Variants in FBXO8 observed in about 807,000 individuals in gnomAD.
FBXO8 encodes F-box protein 8, also known as F-box only protein 8.
In FBXO8, 15 loss-of-function variants were observed where a neutral mutation model predicts 33.4. The ratio of observed to expected loss-of-function variants is 0.45; its 90% CI spans 0.30 to 0.69. The LOEUF (loss-of-function observed/expected upper bound fraction) is 0.69, where lower values mean the gene tolerates loss of function less well. FBXO8 is among the 30% of genes least tolerant of loss of function. The pLI, the probability that FBXO8 is intolerant of heterozygous loss-of-function variation, is 0.08. For missense variants in FBXO8, 274 were observed against 380.3 expected (o/e 0.72, Z 2.32); for synonymous variants, 132 against 131.5 (o/e 1.00, Z -0.02).
chr4:174,244,820 C>T (rs1736121638), intron 3 of FBXO8, among the ~76,000 whole-genome samples: 1 of 151,654 alleles, frequency 6.6e-6, no homozygotes, highest in African/African-American at 2.4e-5. Context: ...TATTAGGCCT[C>T]ATATTTCTTG....
rs529290881 is a variant in FBXO8, at chr4:174,281,439, A to G, written c.-9+1971T>C. ...TGCACCAGCACAGTGGCTCACACCT[A>G]TGATTCCTGAACCTTGGGAGGCTGT... On this transcript the variant is annotated intron_variant, in intron 1 of 5. Coordinates refer to ENST00000393674, the MANE Select transcript of FBXO8 (RefSeq NM_012180.3). This position sits in a 1 kb window ranked among gnomAD's most constrained non-coding sequence, Gnocchi z 4.6. 2.5e-4 allele frequency among the ~76,000 whole-genome samples: 38 copies of G among 152,200 alleles called. No individual in the cohort carries two copies. Among genetic ancestry groups the G allele is most frequent in the Non-Finnish European group, 5.4e-4 (37 of 68,038 alleles).
chr4:174,237,801 A>T lies in FBXO8; in HGVS notation c.773-202T>A, dbSNP rs1336537782. 2.0e-5 allele frequency among the ~76,000 whole-genome samples: 3 copies of T among 152,104 alleles called. No homozygotes were observed. Among genetic ancestry groups the T allele is most frequent in the Non-Finnish European group, 4.4e-5 (3 of 67,958 alleles). On this transcript the variant is annotated intron_variant, in intron 5 of 5. Transcript: ENST00000393674. The surrounding 1 kb of genome is among the most constrained non-coding windows in gnomAD (Gnocchi z 4.4). ...TGTCATCCTGGGAAACTCAATCCTG[A>T]GCAAACCAGGATGGTTATCATCCTA... is the stretch of plus-strand genomic sequence containing the variant.
In FBXO8 at chr4:174,256,915, T is replaced by TA. The variant is rs796891512; in HGVS notation, c.456+2783dup. 2.5e-3 allele frequency among the ~76,000 whole-genome samples: 362 copies of TA among 142,300 alleles called. No homozygotes were observed. Among genetic ancestry groups the TA allele is most frequent in the African/African-American group, 5.2e-3 (201 of 38,672 alleles). 93.4% of individuals were successfully genotyped at this position (142,300 alleles called of 152,430 possible). A position where few individuals can be genotyped will look rare whatever the true frequency, so the allele number is the denominator to read the frequency against. On this transcript the variant is annotated intron_variant, in intron 3 of 5. Coordinates refer to ENST00000393674, the MANE Select transcript of FBXO8 (RefSeq NM_012180.3). The surrounding 1 kb of genome is among the most constrained non-coding windows in gnomAD (Gnocchi z 4.6). ...AGTATCTTTAAATCAGGCCAGGGAGTAAAAAAAAAAGAAAATACAGCCAAC... is the reference window on the plus strand; with the variant it reads ...AGTATCTTTAAATCAGGCCAGGGAGTAAAAAAAAAAAGAAAATACAGCCAAC...
rs966813356 is a variant in FBXO8, at chr4:174,252,722, A to C, written c.456+6977T>G. 6.6e-6 allele frequency among the ~76,000 whole-genome samples: 1 copy of C among 152,064 alleles called. No homozygotes were observed. The highest frequency in any genetic ancestry group is 1.5e-5 in the Non-Finnish European group (1 of 68,008). ...TTGTGTCTCTTTTTTAAACCTAAAA[A>C]ATAGGCTAGGTATGATGACTCATTC... On this transcript the variant is annotated intron_variant, in intron 3 of 5. Transcript: ENST00000393674. This position sits in a 1 kb window ranked among gnomAD's most constrained non-coding sequence, Gnocchi z 5.1.
At position 174,256,679 on chromosome 4, in the gene FBXO8, CT is replaced by C. The variant is rs1349140636; in HGVS notation, c.456+3019del. On this transcript the variant is annotated intron_variant, in intron 3 of 5. Coordinates refer to ENST00000393674, the MANE Select transcript of FBXO8 (RefSeq NM_012180.3). This position sits in a 1 kb window ranked among gnomAD's most constrained non-coding sequence, Gnocchi z 4.6. ...ACCTTATTAAGTGTATTGCAATGTC[CT>C]TTTTTTCCTATATATTTCCTAAGTG... Among the ~76,000 whole-genome samples the C allele has an allele frequency of 6.6e-6, 1 of 152,104 alleles. No individual in the cohort carries two copies. The highest frequency in any genetic ancestry group is 1.5e-5 in the Non-Finnish European group (1 of 68,008).
In FBXO8 at chr4:174,261,964, T is replaced by C. The variant is rs1254870933; in HGVS notation, c.329+800A>G. Among the ~76,000 whole-genome samples, 1 of 152,108 alleles carries C rather than the reference T, an allele frequency of 6.6e-6. No individual in the cohort carries two copies. The highest frequency in any genetic ancestry group is 1.5e-5 in the Non-Finnish European group (1 of 67,948). Reference sequence around the variant, plus strand: ...GGATGCTAGAAGGTCTGAGATCCAATGATTCCATGTTTGGTAATATTTTTA... The same window carrying C: ...GGATGCTAGAAGGTCTGAGATCCAACGATTCCATGTTTGGTAATATTTTTA... On this transcript the variant is annotated intron_variant, in intron 2 of 5. Coordinates refer to ENST00000393674, the MANE Select transcript of FBXO8 (RefSeq NM_012180.3). This position sits in a 1 kb window ranked among gnomAD's most constrained non-coding sequence, Gnocchi z 4.1.
rs1475877571 is a variant in FBXO8, at chr4:174,272,064, AG to A, written c.-8-8965del. On this transcript the variant is annotated intron_variant, in intron 1 of 5. Coordinates refer to ENST00000393674, the MANE Select transcript of FBXO8 (RefSeq NM_012180.3). The surrounding 1 kb of genome is among the most constrained non-coding windows in gnomAD (Gnocchi z 4.7). The stretch of plus-strand genomic sequence containing the variant: ...TCCTAAACTTGGATTATGAGTGTTC[AG>A]TGAACTAATAGCAAATCAAAACAAA... Among the ~76,000 whole-genome samples the A allele has an allele frequency of 6.6e-6, 1 of 152,264 alleles. No homozygotes were observed. Among genetic ancestry groups the A allele is most frequent in the Non-Finnish European group, 1.5e-5 (1 of 68,046 alleles).
chr4:174,255,163 G>A lies in FBXO8; in HGVS notation c.456+4536C>T, dbSNP rs950025182. 6.6e-6 allele frequency among the ~76,000 whole-genome samples: 1 copy of A among 152,052 alleles called. No individual in the cohort carries two copies. The highest frequency in any genetic ancestry group is 1.5e-5 in the Non-Finnish European group (1 of 67,994). On this transcript the variant is annotated intron_variant, in intron 3 of 5. Transcript: ENST00000393674. The surrounding 1 kb of genome is among the most constrained non-coding windows in gnomAD (Gnocchi z 4.3). ...TGTGTATTCCCAAGGAATGCACTTG[G>A]GAAATGTTTATTGGTACATTCTAAT... is the stretch of plus-strand genomic sequence containing the variant.
Position 174,262,524 on chromosome 4 carries a change from T to G in FBXO8, c.329+240A>C, listed in dbSNP as rs1396652662. ...TGACTTATAATCAACTGACAGAGCCTGATTGGTAACCTCTCTTCTAACTGT... is the reference window on the plus strand; with the variant it reads ...TGACTTATAATCAACTGACAGAGCCGGATTGGTAACCTCTCTTCTAACTGT... On this transcript the variant is annotated intron_variant, in intron 2 of 5. Transcript: ENST00000393674. The surrounding 1 kb of genome is among the most constrained non-coding windows in gnomAD (Gnocchi z 4.6). Among the ~76,000 whole-genome samples the G allele has an allele frequency of 6.6e-6, 1 of 152,230 alleles. No individual in the cohort carries two copies. The highest frequency in any genetic ancestry group is 2.4e-5 in the African/African-American group (1 of 41,468).
In FBXO8 at chr4:174,272,759, C is replaced by CT. The variant is rs1291193492; in HGVS notation, c.-8-9660dup. On this transcript the variant is annotated intron_variant, in intron 1 of 5. Coordinates refer to ENST00000393674, the MANE Select transcript of FBXO8 (RefSeq NM_012180.3). The surrounding 1 kb of genome is among the most constrained non-coding windows in gnomAD (Gnocchi z 4.7). ...GAATACTTACAGAATCCCAAAGTAT[C>CT]TTCCCACATATCAGTCATTAATTAC... Among the ~76,000 whole-genome samples, 1 of 152,138 alleles carries CT rather than the reference C, an allele frequency of 6.6e-6. No individual in the cohort carries two copies. Among genetic ancestry groups the CT allele is most frequent in the Non-Finnish European group, 1.5e-5 (1 of 68,022 alleles).
rs528130787 is a variant in FBXO8 at position 174,257,255 on chromosome 4, T to C, written c.456+2444A>G. On this transcript the variant is annotated intron_variant, in intron 3 of 5. Transcript: ENST00000393674. The surrounding 1 kb of genome is among the most constrained non-coding windows in gnomAD (Gnocchi z 4.3). ...TAACATTTTAGCATATGAGGACCCA[T>C]GTGTATTTTCATCTTTGTGTAAAAA... 2.4e-4 allele frequency among the ~76,000 whole-genome samples: 37 copies of C among 152,250 alleles called. No individual in the cohort carries two copies. The highest frequency in any genetic ancestry group is 8.4e-4 in the African/African-American group (35 of 41,556).
Position 174,251,885 on chromosome 4 carries a change from C to T in FBXO8, c.456+7814G>A, listed in dbSNP as rs1415233475. ...TACTTAAGCCATATTTGGTGAGGGACTCCTCTCACTGTCATCTAGCTTCTT... is the reference window on the plus strand; with the variant it reads ...TACTTAAGCCATATTTGGTGAGGGATTCCTCTCACTGTCATCTAGCTTCTT... On this transcript the variant is annotated intron_variant, in intron 3 of 5. Transcript: ENST00000393674. The surrounding 1 kb of genome is among the most constrained non-coding windows in gnomAD (Gnocchi z 4.2). 6.6e-6 allele frequency among the ~76,000 whole-genome samples: 1 copy of T among 152,140 alleles called. No homozygotes were observed. Among genetic ancestry groups the T allele is most frequent in the Non-Finnish European group, 1.5e-5 (1 of 68,004 alleles).
At position 174,272,282 on chromosome 4, in the gene FBXO8, A is replaced by G. The variant is rs1736854350; in HGVS notation, c.-8-9182T>C. Among the ~76,000 whole-genome samples, 1 of 152,228 alleles carries G rather than the reference A, an allele frequency of 6.6e-6. No individual in the cohort carries two copies. The highest frequency in any genetic ancestry group is 1.5e-5 in the Non-Finnish European group (1 of 68,038). On this transcript the variant is annotated intron_variant, in intron 1 of 5. Transcript: ENST00000393674. The surrounding 1 kb of genome is among the most constrained non-coding windows in gnomAD (Gnocchi z 4.7). ...AGATACCAAAATCCATGAATGCTCA[A>G]GTCCCTTGTATAAAATGGCATAGTA... is the stretch of plus-strand genomic sequence containing the variant.
intron 1 of FBXO8, among the ~76,000 whole-genome samples, chr4:174,266,785 A>G (rs938089995): frequency 9.2e-5 from 14 of 152,344 alleles, no homozygotes; most frequent in African/African-American, 2.9e-4. Flanking sequence ...AATGATAAAA[A>G]TGTCTATAGC....
rs909354924 is a variant in FBXO8, at chr4:174,262,689, T to C, written c.329+75A>G. 15 of 1,273,482 alleles carry C rather than the reference T, an allele frequency of 1.2e-5. No homozygotes were observed. The highest frequency in any genetic ancestry group is 2.5e-5 in the East Asian group (1 of 40,200). The allele number at this position is 1,273,482 out of a possible 1,614,324, so 78.9% of individuals were successfully genotyped here. Reference sequence around the variant, plus strand: ...AGTTTAAAGAAAATATTTTGTAATATACATTATAAAAAGAACATTGAAGCA... The same window carrying C: ...AGTTTAAAGAAAATATTTTGTAATACACATTATAAAAAGAACATTGAAGCA... On this transcript the variant is annotated intron_variant, in intron 2 of 5. Coordinates refer to ENST00000393674, the MANE Select transcript of FBXO8 (RefSeq NM_012180.3). The surrounding 1 kb of genome is among the most constrained non-coding windows in gnomAD (Gnocchi z 4.6).
rs1166981762 is a variant in FBXO8, at chr4:174,241,682, A to G, written c.457-464T>C. ...AAATGCTCCAAATGAAAGACTAGCA[A>G]TTTTATTCTGGGAGAAAAATATTAA... On this transcript the variant is annotated intron_variant, in intron 3 of 5. Coordinates refer to ENST00000393674, the MANE Select transcript of FBXO8 (RefSeq NM_012180.3). The surrounding 1 kb of genome is among the most constrained non-coding windows in gnomAD (Gnocchi z 4.2). Among the ~76,000 whole-genome samples the G allele has an allele frequency of 1.3e-5, 2 of 151,570 alleles. No individual in the cohort carries two copies. The highest frequency in any genetic ancestry group is 3.0e-5 in the Non-Finnish European group (2 of 67,598).
Position 174,281,197 on chromosome 4 carries a change from T to C in FBXO8, c.-9+2213A>G, listed in dbSNP as rs1737080022. The stretch of plus-strand genomic sequence containing the variant: ...CTGTCCTTTCCATCTCTTTTTTCCC[T>C]ATATTCATGACTTCCACAAATCACT... On this transcript the variant is annotated intron_variant, in intron 1 of 5. Coordinates refer to ENST00000393674, the MANE Select transcript of FBXO8 (RefSeq NM_012180.3). The surrounding 1 kb of genome is among the most constrained non-coding windows in gnomAD (Gnocchi z 4.6). Among the ~76,000 whole-genome samples, 1 of 152,184 alleles carries C rather than the reference T, an allele frequency of 6.6e-6. No homozygotes were observed. Among genetic ancestry groups the C allele is most frequent in the Non-Finnish European group, 1.5e-5 (1 of 68,032 alleles).
In FBXO8 at chr4:174,267,322, G is replaced by A. The variant is rs1355984981; in HGVS notation, c.-8-4222C>T. Among the ~76,000 whole-genome samples, 2 of 152,166 alleles carry A rather than the reference G, an allele frequency of 1.3e-5. No homozygotes were observed. Among genetic ancestry groups the A allele is most frequent in the Non-Finnish European group, 2.9e-5 (2 of 68,036 alleles). Reference sequence around the variant, plus strand: ...CAGCACTTTTCGAGAAGCTGAGGCAGGAGGACTGCTTGAGACCAAGAGTTC... The same window carrying A: ...CAGCACTTTTCGAGAAGCTGAGGCAAGAGGACTGCTTGAGACCAAGAGTTC... On this transcript the variant is annotated intron_variant, in intron 1 of 5. Coordinates refer to ENST00000393674, the MANE Select transcript of FBXO8 (RefSeq NM_012180.3). This position sits in a 1 kb window ranked among gnomAD's most constrained non-coding sequence, Gnocchi z 4.7.
rs950696610 is a variant in FBXO8, at chr4:174,256,218, T to C, written c.456+3481A>G. On this transcript the variant is annotated intron_variant, in intron 3 of 5. Transcript: ENST00000393674. This position sits in a 1 kb window ranked among gnomAD's most constrained non-coding sequence, Gnocchi z 4.6. ...AAATGTTAAGTACAATACTGGAAAT[T>C]ATGAAAAAGTAGACTTTTTACAATA... is the stretch of plus-strand genomic sequence containing the variant. 2.3e-6 allele frequency: 1 copy of C among 441,852 alleles called. No homozygotes were observed. The highest frequency in any genetic ancestry group is 4.5e-6 in the Non-Finnish European group (1 of 222,626). The allele number at this position is 441,852 out of a possible 1,614,324, so 27.4% of individuals were successfully genotyped here.
Sources: allele counts gnomAD v4.1 joint callset (sites outside exome capture counted in the v4.1 genomes callset), GRCh38; gene constraint gnomAD v4.1.1; non-coding constraint Gnocchi (gnomAD v3.1); transcripts MANE v1.5; gene names NCBI Gene and HGNC (gene_info 2026-07-23, HGNC 2026-07-21).